The following RGS6 variants were observed in gnomAD, a reference collection of about 807,000 sequenced individuals.
RGS6 encodes the protein regulator of G-protein signaling 6.
RGS6 carries 30 observed loss-of-function variants against 78.5 expected under a neutral mutation model. The observed-to-expected ratio is 0.38, with a 90% CI of 0.29 to 0.52. RGS6 has a LOEUF of 0.52. Ranked by LOEUF, RGS6 falls within the 20% of genes least tolerant of loss-of-function variation. The pLI, the probability that RGS6 is intolerant of heterozygous loss-of-function variation, is 0.85. For missense variants in RGS6, 495 were observed against 609.7 expected (o/e 0.81, Z 1.98); for synonymous variants, 206 against 206.0 (o/e 1.00, Z 0.00).
chr14:71,919,886 C>CA, the RGS6 span, among the ~76,000 whole-genome samples: 37 of 152,162 alleles, frequency 2.4e-4, no homozygotes, highest in African/African-American at 8.2e-4. Flanking sequence ...CCCAGCTACT[C>CA]AGGAGTCTGA....
At chr14:72,619,212 T>C in the RGS6 span, 13 of 1,332,024 alleles carry the variant, frequency 9.8e-6, no homozygotes, top group Non-Finnish European at 1.3e-5. Flanking sequence ...TCTGGCTGGA[T>C]ATGTGGGAGG....
At chr14:71,913,872 T>C in the RGS6 span, among the ~76,000 whole-genome samples, 1 of 152,202 alleles carries the variant, frequency 6.6e-6, no homozygotes, top group Non-Finnish European at 1.5e-5. Flanking sequence ...TATTCTGCAA[T>C]TTGCAGCCAA....
intron 3 of RGS6, among the ~76,000 whole-genome samples, chr14:72,438,792 A>G (rs2095057620): frequency 6.6e-6 from 1 of 152,212 alleles, no homozygotes; most frequent in Non-Finnish European, 1.5e-5. Context: ...ACATCTTTTA[A>G]AAACATAAAC....
chr14:72,360,337 C>A (rs1236461170), intron 3 of RGS6, among the ~76,000 whole-genome samples: 1 of 151,638 alleles, frequency 6.6e-6, no homozygotes, highest in African/African-American at 2.4e-5. Flanking sequence ...CTGGCTAACA[C>A]GGTGAAACCC....
chr14:72,519,170 A>G (rs1398398738), intron 15 of RGS6, among the ~76,000 whole-genome samples: 2 of 152,186 alleles, frequency 1.3e-5, no homozygotes, highest in Non-Finnish European at 2.9e-5. Context: ...GGGACTCCCA[A>G]CCCTGTAGGA....
chr14:72,245,295 A>T (rs2053951604), intron 2 of RGS6, among the ~76,000 whole-genome samples: 1 of 152,250 alleles, frequency 6.6e-6, no homozygotes, highest in Non-Finnish European at 1.5e-5. Context: ...GAGGAATTAA[A>T]GATATACACA....
chr14:72,616,868 G>A, the RGS6 span, among the ~76,000 whole-genome samples: 1 of 152,184 alleles, frequency 6.6e-6, no homozygotes, highest in African/African-American at 2.4e-5. Context: ...TTGTCTGCTT[G>A]TAGTACCCTG....
intron 1 of RGS6, among the ~76,000 whole-genome samples, chr14:71,942,281 C>T (rs1347580384): frequency 6.6e-6 from 1 of 151,872 alleles, no homozygotes; most frequent in Non-Finnish European, 1.5e-5. Flanking sequence ...AACCACAAAG[C>T]CTACCAAATA....
the RGS6 span, among the ~76,000 whole-genome samples, chr14:71,927,372 G>A: frequency 3.9e-5 from 6 of 152,004 alleles, no homozygotes; most frequent in Non-Finnish European, 8.8e-5. Context: ...TCAGACACAC[G>A]GTTTTCAAAA....
chr14:71,936,709 CAATA>C (rs1215491125), intron 1 of RGS6, among the ~76,000 whole-genome samples: 1 of 152,026 alleles, frequency 6.6e-6, no homozygotes, highest in Non-Finnish European at 1.5e-5. Flanking sequence ...GTTGTGAAGT[CAATA>C]AATCTTATGT....
chr14:72,268,597 C>A (rs1234731735), intron 2 of RGS6, among the ~76,000 whole-genome samples: 1 of 152,182 alleles, frequency 6.6e-6, no homozygotes, highest in Admixed American at 6.5e-5. Context: ...CAGTCATTTT[C>A]ACCCGAAATA....
At chr14:72,586,767 G>A in the RGS6 span, among the ~76,000 whole-genome samples, 1 of 152,132 alleles carries the variant, frequency 6.6e-6, no homozygotes, top group Non-Finnish European at 1.5e-5. Flanking sequence ...CCTTACCCAT[G>A]AGACAGCAAG....
At chr14:72,416,089 A>G (rs2093789087) in intron 3 of RGS6, among the ~76,000 whole-genome samples, 1 of 151,318 alleles carries the variant, frequency 6.6e-6, no homozygotes, top group African/African-American at 2.4e-5. Context: ...CGGAGGTTGC[A>G]GTGAGCCAAG....
chr14:72,579,743 C>G, the RGS6 span, among the ~76,000 whole-genome samples: 1 of 152,168 alleles, frequency 6.6e-6, no homozygotes, highest in Non-Finnish European at 1.5e-5. Context: ...CATAATCTCA[C>G]CAGGTAACAG....
At chr14:72,567,366 G>A (rs551803970), downstream of RGS6, among the ~76,000 whole-genome samples, 2 of 152,286 alleles carry the variant, frequency 1.3e-5, no homozygotes, top group East Asian at 3.9e-4. Flanking sequence ...ACCACCTCCA[G>A]GGAACCCAAG....
intron 2 of RGS6, among the ~76,000 whole-genome samples, chr14:72,090,982 C>A (rs2095250439): frequency 7.3e-6 from 1 of 136,940 alleles, no homozygotes; most frequent in Admixed American, 7.8e-5. Context: ...TGCCCTATCA[C>A]CTTTAGTGAT....
At chr14:71,998,192 G>A (rs2082745259) in intron 2 of RGS6, among the ~76,000 whole-genome samples, 1 of 152,188 alleles carries the variant, frequency 6.6e-6, no homozygotes, top group Non-Finnish European at 1.5e-5. Context: ...GTCATAGATA[G>A]GTGAGAGACA....
At chr14:72,467,637 G>C (rs138931277) in intron 7 of RGS6, among the ~76,000 whole-genome samples, 10 of 152,146 alleles carry the variant, frequency 6.6e-5, no homozygotes, top group African/African-American at 2.2e-4. Context: ...TGGGGTGCAG[G>C]GGGCCAGAAG....
intron 2 of RGS6, among the ~76,000 whole-genome samples, chr14:72,020,203 T>G (rs2088083967): frequency 6.6e-6 from 1 of 152,246 alleles, no homozygotes; most frequent in African/African-American, 2.4e-5. Context: ...GTCTCCCAGC[T>G]AAGTGAGCTC....
Sources: allele counts gnomAD v4.1 joint callset (sites outside exome capture counted in the v4.1 genomes callset), GRCh38; gene constraint gnomAD v4.1.1; transcripts MANE v1.5; gene names NCBI Gene and HGNC (gene_info 2026-07-23, HGNC 2026-07-21).